CFAP299: variants seen among roughly 807,000 people sequenced by gnomAD.
CFAP299 encodes the protein cilia and flagella associated protein 299, also known as cilia- and flagella-associated protein 299.
Under a neutral mutation model 27.0 loss-of-function variants are expected in CFAP299, and 21 were observed. That is an observed-to-expected ratio of 0.78 (90% CI 0.55 to 1.12). The LOEUF is 1.12. Among genes scored for constraint, CFAP299 ranks in the 50% most tolerant of loss-of-function variants. The probability of loss-of-function intolerance (pLI) is 0.00; values close to 1 mark genes in which losing one functional copy is unlikely to be tolerated. For synonymous variants in CFAP299, 104 were observed against 98.1 expected (o/e 1.06, Z -0.36); for missense variants, 310 against 276.6 (o/e 1.12, Z -0.86).
chr4:80,386,875 C>T lies in CFAP299; in HGVS notation c.242+23991C>T, dbSNP rs545915334. On this transcript the variant is annotated intron_variant, in intron 2 of 5. Coordinates refer to ENST00000358105, the MANE Select transcript of CFAP299 (RefSeq NM_152770.3). ...TACAGTTTGTCCTTGAGGTTGAATGCGGACTCGCACACCGAGCATTTGTAG... is the reference window on the plus strand; with the variant it reads ...TACAGTTTGTCCTTGAGGTTGAATGTGGACTCGCACACCGAGCATTTGTAG... The T allele has an allele frequency of 1.1e-4, 96 of 849,286 alleles. No homozygotes were observed. In the African/African-American group the frequency reaches 1.4e-3, roughly 12 times the overall value. 52.6% of individuals were successfully genotyped at this position (849,286 alleles called of 1,614,324 possible).
intron 3 of CFAP299, among the ~76,000 whole-genome samples, chr4:80,765,853 G>C (rs181588392): frequency 5.9e-4 from 90 of 151,984 alleles, no homozygotes; most frequent in Middle Eastern, 3.4e-3. Context: ...TGAGACCATA[G>C]AATTCAATAA....
chr4:80,366,476 G>A (rs1379934168), intron 2 of CFAP299, among the ~76,000 whole-genome samples: 4 of 152,126 alleles, frequency 2.6e-5, no homozygotes, highest in African/African-American at 9.7e-5. Flanking sequence ...AAAATATTTT[G>A]GGCTTCTATT....
intron 2 of CFAP299, among the ~76,000 whole-genome samples, chr4:80,402,085 C>T (rs1437003904): frequency 6.6e-6 from 1 of 152,140 alleles, no homozygotes; most frequent in African/African-American, 2.4e-5. Context: ...CCCATTGCAT[C>T]CAGGAAGTAA....
chr4:80,615,982 T>TC (rs1738251299), intron 3 of CFAP299, among the ~76,000 whole-genome samples: 1 of 152,136 alleles, frequency 6.6e-6, no homozygotes. Context: ...GACCCTACTT[T>TC]CCTATATTAA....
At chr4:80,345,398 A>T (rs930635834) in intron 1 of CFAP299, among the ~76,000 whole-genome samples, 2 of 151,198 alleles carry the variant, frequency 1.3e-5, no homozygotes, top group Non-Finnish European at 3.0e-5. Context: ...TACAGTGGGT[A>T]TTTCTCCCAA....
chr4:80,524,430 G>A (rs1336404735), intron 2 of CFAP299, among the ~76,000 whole-genome samples: 2 of 151,792 alleles, frequency 1.3e-5, no homozygotes, highest in Non-Finnish European at 2.9e-5. Flanking sequence ...CAGAATCCTT[G>A]ATTTCTCCCT....
intron 2 of CFAP299, among the ~76,000 whole-genome samples, chr4:80,394,101 T>C (rs1725645070): frequency 6.6e-6 from 1 of 152,178 alleles, no homozygotes; most frequent in Admixed American, 6.5e-5. Context: ...TTATTCACCT[T>C]CCTCCATGAT....
At chr4:80,325,798 G>A in the CFAP299 span, among the ~76,000 whole-genome samples, 1 of 152,090 alleles carries the variant, frequency 6.6e-6, no homozygotes, top group Non-Finnish European at 1.5e-5. Flanking sequence ...CTATTTTCTA[G>A]GTATCTATAG....
chr4:80,888,221 C>G (rs755269598), intron 4 of CFAP299, among the ~76,000 whole-genome samples: 3 of 151,812 alleles, frequency 2.0e-5, no homozygotes, highest in Admixed American at 6.6e-5. Context: ...CAAGGGTCAA[C>G]GATCCGCTGC....
intron 4 of CFAP299, among the ~76,000 whole-genome samples, chr4:80,936,398 T>G (rs1294741871): frequency 6.6e-6 from 1 of 152,012 alleles, no homozygotes; most frequent in Admixed American, 6.6e-5. Context: ...CGCCCATCAA[T>G]AGTAAACAAG....
intron 3 of CFAP299, among the ~76,000 whole-genome samples, chr4:80,622,094 G>A (rs1255472503): frequency 6.6e-6 from 1 of 152,132 alleles, no homozygotes; most frequent in East Asian, 1.9e-4. Flanking sequence ...TAGGAAGTCA[G>A]GCTCTGTCCT....
chr4:80,754,778 TTGGTACC>T (rs1278428894), intron 3 of CFAP299, among the ~76,000 whole-genome samples: 1 of 152,126 alleles, frequency 6.6e-6, no homozygotes, highest in Non-Finnish European at 1.5e-5. Context: ...CAAGGGTTCA[TTGGTACC>T]TGCTCCAGGT....
chr4:80,486,747 C>G (rs1217287469), intron 2 of CFAP299, among the ~76,000 whole-genome samples: 1 of 152,190 alleles, frequency 6.6e-6, no homozygotes, highest in African/African-American at 2.4e-5. Flanking sequence ...AATGCCTCTG[C>G]CTGGGTAGCT....
intron 3 of CFAP299, among the ~76,000 whole-genome samples, chr4:80,732,062 G>GACACACACAC (rs1354639341): frequency 7.2e-6 from 1 of 139,358 alleles, no homozygotes; most frequent in African/African-American, 3.0e-5. Flanking sequence ...CAGACACACA[G>GACACACACAC]ACACACAGAC....
intron 4 of CFAP299, among the ~76,000 whole-genome samples, chr4:80,937,075 C>T (rs941708991): frequency 6.7e-6 from 1 of 150,194 alleles, no homozygotes; most frequent in African/African-American, 2.5e-5. Flanking sequence ...ATTATATTGC[C>T]GTCTGTTTCT....
intron 2 of CFAP299, among the ~76,000 whole-genome samples, chr4:80,543,825 T>A (rs556040463): frequency 4.7e-4 from 71 of 152,204 alleles, no homozygotes; most frequent in Non-Finnish European, 8.1e-4. Flanking sequence ...ACATGCAAAT[T>A]CAAGAAATTC....
At chr4:80,596,575 G>A (rs1416093605) in intron 3 of CFAP299, among the ~76,000 whole-genome samples, 1 of 151,368 alleles carries the variant, frequency 6.6e-6, no homozygotes, top group African/African-American at 2.4e-5. Context: ...CCTATACAGT[G>A]TCTCTTTAGA....
chr4:80,777,243 G>T (rs1726601114), intron 3 of CFAP299, among the ~76,000 whole-genome samples: 1 of 152,066 alleles, frequency 6.6e-6, no homozygotes, highest in African/African-American at 2.4e-5. Flanking sequence ...AAAGTCAAAT[G>T]ATTTTTGCAT....
intron 2 of CFAP299, among the ~76,000 whole-genome samples, chr4:80,540,003 T>C (rs1399688514): frequency 6.7e-6 from 1 of 149,670 alleles, no homozygotes; most frequent in Non-Finnish European, 1.5e-5. Context: ...TAGTATTTTG[T>C]GTAAAAACTG....
Sources: gnomAD v4.1 joint callset for allele counts (sites outside exome capture counted in the v4.1 genomes callset) on GRCh38, gnomAD v4.1.1 for gene constraint, MANE v1.5 for transcripts, NCBI Gene and HGNC (gene_info 2026-07-23, HGNC 2026-07-21) for gene names.